The following PSD3 variants were observed in gnomAD, a reference collection of about 807,000 sequenced individuals.
PSD3 encodes pleckstrin and Sec7 domain containing 3, also known as PH and SEC7 domain-containing protein 3.
In PSD3, 49 loss-of-function variants were observed where a neutral mutation model predicts 105.5. The ratio of observed to expected loss-of-function variants is 0.46; its 90% confidence interval spans 0.37 to 0.59. The LOEUF (loss-of-function observed/expected upper bound fraction) is 0.59. Ranked by LOEUF, PSD3 falls within the 20% of genes least tolerant of loss-of-function variation. The pLI is 0.00. For synonymous variants in PSD3, 557 were observed against 457.8 expected (o/e 1.22, Z -2.77); for missense variants, 1,561 against 1,263.8 (o/e 1.24, Z -3.57).
chr8:18,591,494 G>T (rs1177084526), intron 12 of PSD3, among the ~76,000 whole-genome samples: 1 of 152,176 alleles, frequency 6.6e-6, no homozygotes, highest in Non-Finnish European at 1.5e-5. Context: ...AAGAAAGGTA[G>T]AGTGTGTGGC....
chr8:18,774,110 CT>C (rs1807804035), intron 8 of PSD3, among the ~76,000 whole-genome samples: 1 of 152,012 alleles, frequency 6.6e-6, no homozygotes, highest in African/African-American at 2.4e-5. Flanking sequence ...TAGGTTTTTT[CT>C]TTTGTATAGT....
intron 2 of PSD3, among the ~76,000 whole-genome samples, chr8:18,885,498 C>G (rs1049473976): frequency 6.6e-6 from 1 of 152,020 alleles, no homozygotes; most frequent in Non-Finnish European, 1.5e-5. Context: ...ATCATGAATG[C>G]CAAGCAGCTG....
intron 8 of PSD3, among the ~76,000 whole-genome samples, chr8:18,767,663 C>A (rs1807126926): frequency 6.6e-6 from 1 of 152,112 alleles, no homozygotes; most frequent in Non-Finnish European, 1.5e-5. Context: ...AGAATAACTG[C>A]TTGAACCCGG....
At chr8:18,789,357 A>AAT (rs1809485639) in intron 8 of PSD3, among the ~76,000 whole-genome samples, 2 of 152,206 alleles carry the variant, frequency 1.3e-5, no homozygotes, top group African/African-American at 4.8e-5. Context: ...TACTAAGCCA[A>AAT]ATATAAAAAG....
intron 2 of PSD3, among the ~76,000 whole-genome samples, chr8:18,916,323 T>C (rs868011541): frequency 1.8e-5 from 1 of 55,426 alleles, no homozygotes; most frequent in Non-Finnish European, 3.3e-5. Flanking sequence ...TATATATATA[T>C]ATATATATAT....
intron 4 of PSD3, among the ~76,000 whole-genome samples, chr8:18,837,677 G>A (rs775644662): frequency 2.6e-5 from 4 of 152,162 alleles, no homozygotes; most frequent in African/African-American, 4.8e-5. Flanking sequence ...TGGTGGCTCC[G>A]TCTGTAATCT....
At chr8:19,011,240 C>G (rs1012632702) in intron 1 of PSD3, among the ~76,000 whole-genome samples, 1 of 152,166 alleles carries the variant, frequency 6.6e-6, no homozygotes, top group Admixed American at 6.5e-5. Context: ...ATGGTTTTGC[C>G]TCAGCATCTC....
chr8:19,003,008 C>T (rs769146913), intron 1 of PSD3, among the ~76,000 whole-genome samples: 1 of 152,066 alleles, frequency 6.6e-6, no homozygotes, highest in Non-Finnish European at 1.5e-5. Flanking sequence ...TTACTGCCTA[C>T]TTACTGTCTT....
chr8:18,546,867 A>G (rs1458510494), intron 15 of PSD3, among the ~76,000 whole-genome samples: 3 of 152,114 alleles, frequency 2.0e-5, no homozygotes, highest in African/African-American at 4.8e-5. Flanking sequence ...GATTCCACAT[A>G]TAAGTTGCAC....
intron 11 of PSD3, among the ~76,000 whole-genome samples, chr8:18,611,033 C>T (rs548573994): frequency 6.6e-6 from 1 of 152,204 alleles, no homozygotes; most frequent in Admixed American, 6.5e-5. Flanking sequence ...TACCCTACCC[C>T]TAAATAATTT....
At chr8:18,921,281 C>T (rs1010070375) in intron 2 of PSD3, among the ~76,000 whole-genome samples, 2 of 152,168 alleles carry the variant, frequency 1.3e-5, no homozygotes, top group African/African-American at 2.4e-5. Context: ...TTCCAAAATG[C>T]ATCCTTTTAG....
At chr8:18,820,704 C>T (rs563003502) in intron 4 of PSD3, among the ~76,000 whole-genome samples, 3 of 152,160 alleles carry the variant, frequency 2.0e-5, no homozygotes, top group African/African-American at 4.8e-5. Context: ...CAATGTGGAA[C>T]CCACAAATAC....
At chr8:18,895,496 C>A (rs564267443) in intron 2 of PSD3, among the ~76,000 whole-genome samples, 2 of 152,182 alleles carry the variant, frequency 1.3e-5, no homozygotes, top group Non-Finnish European at 2.9e-5. Context: ...GCATACAATT[C>A]GTTTTGGAAT....
At chr8:18,694,132 T>C (rs2131005919) in intron 9 of PSD3, among the ~76,000 whole-genome samples, 1 of 152,318 alleles carries the variant, frequency 6.6e-6, no homozygotes, top group East Asian at 1.9e-4. Context: ...CACTGGTACC[T>C]ACTCAAGCCT....
intron 15 of PSD3, among the ~76,000 whole-genome samples, chr8:18,542,093 T>C (rs1800185576): frequency 6.6e-6 from 1 of 152,080 alleles, no homozygotes; most frequent in Non-Finnish European, 1.5e-5. Flanking sequence ...AAATAGACTT[T>C]ATTGCCCACT....
intron 1 of PSD3, among the ~76,000 whole-genome samples, chr8:19,054,951 G>T (rs1028840850): frequency 5.9e-5 from 9 of 152,128 alleles, no homozygotes; most frequent in African/African-American, 1.9e-4. Flanking sequence ...GCTCACCTGG[G>T]CACAGGGAAG....
rs2130369541 is a variant in PSD3 at position 18,576,684 on chromosome 8, A to AC, written c.2482-1400dup. ...GGCCTTATAATTACGCTATAACAGA[A>AC]CCCGGCACATGTGGCTCTCCACGCA... On this transcript the variant is annotated intron_variant, in intron 12 of 15. Transcript: ENST00000327040. Among the ~76,000 whole-genome samples, 2 of 152,212 alleles carry AC rather than the reference A, an allele frequency of 1.3e-5. 1 individual carries two copies. The highest frequency in any genetic ancestry group is 2.9e-5 in the Non-Finnish European group (2 of 67,976).
chr8:18,555,241 G>A (rs1800997184), intron 15 of PSD3, among the ~76,000 whole-genome samples: 1 of 152,010 alleles, frequency 6.6e-6, no homozygotes, highest in African/African-American at 2.4e-5. Context: ...TACAAGGAAG[G>A]GACAGGTGTG....
In PSD3 at chr8:18,637,346, T is replaced by A. The variant is rs184550194; in HGVS notation, c.2217-4540A>T. ...GATTTTCTTAAAAAATAAGCATTTTTGAAAATGCATTTCTTGTGATGTTCA... is the reference window on the plus strand; with the variant it reads ...GATTTTCTTAAAAAATAAGCATTTTAGAAAATGCATTTCTTGTGATGTTCA... On this transcript the variant is annotated intron_variant, in intron 10 of 15. Transcript: ENST00000327040. Among the ~76,000 whole-genome samples, 453 of 152,376 alleles carry A rather than the reference T, an allele frequency of 3.0e-3. 2 individuals carry two copies. Among genetic ancestry groups the A allele is most frequent in the Non-Finnish European group, 4.9e-3 (332 of 68,034 alleles).
Sources: gnomAD v4.1 joint callset for allele counts (sites outside exome capture counted in the v4.1 genomes callset) on GRCh38, gnomAD v4.1.1 for gene constraint, MANE v1.5 for transcripts, NCBI Gene and HGNC (gene_info 2026-07-23, HGNC 2026-07-21) for gene names.